The following FSIP1 variants were observed in gnomAD, a reference collection of about 807,000 sequenced individuals.
FSIP1 encodes fibrous sheath-interacting protein 1.
FSIP1 carries 65 observed loss-of-function variants against 60.9 expected under a neutral mutation model. The ratio of observed to expected loss-of-function variants is 1.07; its 90% confidence interval spans 0.87 to 1.31. The LOEUF is 1.31. Among genes scored for constraint, FSIP1 ranks in the 40% most tolerant of loss-of-function variants. The pLI is 0.00. For missense variants in FSIP1, 675 were observed against 665.5 expected, an observed-to-expected ratio of 1.01 and a Z score of -0.16; for synonymous variants, 209 against 221.2, an observed-to-expected ratio of 0.94 and a Z score of 0.49.
chr15:39,779,557 T>C (rs1190089071), intron 1 of FSIP1, among the ~76,000 whole-genome samples: 1 of 152,222 alleles, frequency 6.6e-6, no homozygotes, highest in Non-Finnish European at 1.5e-5. Flanking sequence ...TTCCCATTTT[T>C]GCTCTGTCTT....
At chr15:39,713,935 T>C (rs749876532) in intron 9 of FSIP1, among the ~76,000 whole-genome samples, 6 of 152,076 alleles carry the variant, frequency 3.9e-5, no homozygotes, top group Non-Finnish European at 8.8e-5. Context: ...CATGTATAAA[T>C]AAGAAGGAAA....
At chr15:39,772,028 G>A (rs4924390) in intron 2 of FSIP1, among the ~76,000 whole-genome samples, 65,785 of 151,918 alleles carry the variant, frequency 0.43, 15,427 homozygotes, top group Non-Finnish European at 0.51. Context: ...ACACTTCAGC[G>A]TACCCCAAGA....
At chr15:39,715,442 T>TG (rs778254122) in intron 9 of FSIP1, among the ~76,000 whole-genome samples, 8 of 152,184 alleles carry the variant, frequency 5.3e-5, no homozygotes, top group Admixed American at 3.9e-4. Flanking sequence ...CAATGCAAAC[T>TG]ATAATCCTGA....
chr15:39,746,548 GCT>G (rs1006721061), intron 5 of FSIP1, among the ~76,000 whole-genome samples: 1 of 152,144 alleles, frequency 6.6e-6, no homozygotes, highest in Non-Finnish European at 1.5e-5. Flanking sequence ...GTACCTTTTT[GCT>G]CTGTTGGTAA....
At chr15:39,722,859 G>C (rs1235382344) in intron 9 of FSIP1, among the ~76,000 whole-genome samples, 1 of 152,184 alleles carries the variant, frequency 6.6e-6, no homozygotes, top group East Asian at 1.9e-4. Context: ...GGGCCCAGGA[G>C]GTAAAGGCTG....
chr15:39,665,081 C>T (rs1893443994), intron 10 of FSIP1, among the ~76,000 whole-genome samples: 1 of 152,162 alleles, frequency 6.6e-6, no homozygotes, highest in Admixed American at 6.5e-5. Flanking sequence ...CTTCTCCCAC[C>T]ACTCCCATCG....
chr15:39,781,275 C>T (rs1347089831), intron 1 of FSIP1, among the ~76,000 whole-genome samples: 4 of 152,192 alleles, frequency 2.6e-5, no homozygotes. Context: ...TACCACTACA[C>T]ACCTATTCAA....
chr15:39,709,227 T>G (rs1489955533), intron 10 of FSIP1, among the ~76,000 whole-genome samples: 1 of 152,184 alleles, frequency 6.6e-6, no homozygotes, highest in Non-Finnish European at 1.5e-5. Flanking sequence ...GATCCCTAGA[T>G]CACCAATTCA....
Position 39,738,179 on chromosome 15 carries a change from G to A in FSIP1, c.803C>T (p.Pro268Leu). Residue 268 changes from proline to leucine, a missense_variant, in exon 8 of 12, where the codon CCA (proline) becomes CTA (leucine). By Grantham distance (98) the Pro-to-Leu change is moderately conservative. Coordinates refer to ENST00000350221, the MANE Select transcript of FSIP1 (RefSeq NM_152597.5). ...NIELAKESRN[P>L]VVMVDREKKR... ...CTTCTCTCTGTCAACCATAACCACT[G>A]GGTTTCTTGATTCCTTGGCCAACTA... 6.2e-7 allele frequency: 1 copy of A among 1,610,752 alleles called. No individual in the cohort carries two copies. Among genetic ancestry groups the A allele is most frequent in the Non-Finnish European group, 8.5e-7 (1 of 1,178,636 alleles).
At position 39,772,566 on chromosome 15, in the gene FSIP1, A is replaced by G. The variant is rs563995016; in HGVS notation, c.127-1956T>C. 2.0e-3 allele frequency among the ~76,000 whole-genome samples: 292 copies of G among 149,660 alleles called. 1 individual carries two copies. The highest frequency in any genetic ancestry group is 0.015 in the South Asian group (70 of 4,726). On this transcript the variant is annotated intron_variant, in intron 2 of 11. Transcript: ENST00000350221. The stretch of plus-strand genomic sequence containing the variant: ...CTCCTTGGCCTCCCAAAGTGCTGAG[A>G]TTACAGATGTGAGCCACCGTGCCCA...
chr15:39,749,526 A>G (rs1057245479), intron 5 of FSIP1, among the ~76,000 whole-genome samples: 1 of 152,134 alleles, frequency 6.6e-6, no homozygotes, highest in Non-Finnish European at 1.5e-5. Flanking sequence ...TAAATCAATC[A>G]GTGTGATATA....
intron 10 of FSIP1, among the ~76,000 whole-genome samples, chr15:39,686,356 ATACATTTTC>A (rs1894374061): frequency 6.6e-6 from 1 of 152,264 alleles, no homozygotes; most frequent in African/African-American, 2.4e-5. Flanking sequence ...AAATGAGAAA[ATACATTTTC>A]AATTAAAAAC....
chr15:39,726,449 T>C, intron 9 of FSIP1, 140 bp downstream of exon 9: 1 of 756,058 alleles, frequency 1.3e-6, no homozygotes, highest in Non-Finnish European at 2.1e-6. Flanking sequence ...GAGTAGAAAG[T>C]GGAAGTAACC....
chr15:39,700,328 C>A (rs1181101030), intron 10 of FSIP1, among the ~76,000 whole-genome samples: 3 of 152,178 alleles, frequency 2.0e-5, no homozygotes, highest in Non-Finnish European at 4.4e-5. Flanking sequence ...CTATTTTGAT[C>A]AAATATAGCA....
chr15:39,693,020 A>G (rs1204768963), intron 10 of FSIP1, among the ~76,000 whole-genome samples: 1 of 152,252 alleles, frequency 6.6e-6, no homozygotes, highest in African/African-American at 2.4e-5. Context: ...CTCTGCTGCC[A>G]GAAGGGAGAG....
chr15:39,678,610 A>G (rs939284284), intron 10 of FSIP1, among the ~76,000 whole-genome samples: 3 of 152,224 alleles, frequency 2.0e-5, no homozygotes, highest in Admixed American at 6.5e-5. Context: ...TAGAAAACAA[A>G]TACAGTTGTT....
intron 10 of FSIP1, among the ~76,000 whole-genome samples, chr15:39,652,696 C>T (rs1027344866): frequency 6.6e-6 from 1 of 152,258 alleles, no homozygotes; most frequent in East Asian, 1.9e-4. Flanking sequence ...TTTCTTATTT[C>T]ATTTGTTATA....
intron 11 of FSIP1, among the ~76,000 whole-genome samples, chr15:39,614,017 T>A (rs1453813110): frequency 1.3e-5 from 2 of 152,140 alleles, no homozygotes; most frequent in Non-Finnish European, 2.9e-5. Context: ...AGTAGAAAGC[T>A]TTTCCACAAG....
intron 10 of FSIP1, among the ~76,000 whole-genome samples, chr15:39,703,645 A>G (rs1030477985): frequency 1.3e-5 from 2 of 152,248 alleles, no homozygotes; most frequent in Non-Finnish European, 2.9e-5. Flanking sequence ...CTTAAAACCT[A>G]GATGATGGGT....
Sources: allele counts gnomAD v4.1 joint callset (sites outside exome capture counted in the v4.1 genomes callset), GRCh38; gene constraint gnomAD v4.1.1; transcripts MANE v1.5; gene names NCBI Gene and HGNC (gene_info 2026-07-23, HGNC 2026-07-21).